Variants in CTNNA3 observed in about 807,000 individuals in gnomAD.
CTNNA3 encodes catenin alpha-3.
In CTNNA3, 76 loss-of-function variants were observed where a neutral mutation model predicts 95.7. That is an observed-to-expected ratio of 0.79 (90% CI 0.66 to 0.96). The LOEUF (loss-of-function observed/expected upper bound fraction) is 0.96. CTNNA3 is among the 40% of genes least tolerant of loss of function. The probability of loss-of-function intolerance (pLI) is 0.00; values close to 1 mark genes in which losing one functional copy is unlikely to be tolerated. For synonymous variants in CTNNA3, 431 were observed against 374.4 expected, an observed-to-expected ratio of 1.15 and a Z score of -1.74; for missense variants, 1,191 against 1,089.8, an observed-to-expected ratio of 1.09 and a Z score of -1.31.
chr10:67,760,430 A>G (rs1841456260), intron 1 of CTNNA3, among the ~76,000 whole-genome samples: 1 of 152,160 alleles, frequency 6.6e-6, no homozygotes, highest in Non-Finnish European at 1.5e-5. Context: ...GTCTGCCAAT[A>G]CACTCATGTG....
At chr10:67,646,858 T>TA (rs1162543149) in intron 2 of CTNNA3, among the ~76,000 whole-genome samples, 2 of 152,058 alleles carry the variant, frequency 1.3e-5, no homozygotes, top group East Asian at 1.9e-4. Flanking sequence ...ACTTACATAA[T>TA]AAAAAAAGTC....
chr10:67,170,803 G>C (rs1445557606), intron 7 of CTNNA3, among the ~76,000 whole-genome samples: 2 of 152,106 alleles, frequency 1.3e-5, no homozygotes, highest in African/African-American at 4.8e-5. Context: ...CTATGATGGA[G>C]AAGGCAATTC....
chr10:65,957,660 G>T (rs530706460), intron 17 of CTNNA3, among the ~76,000 whole-genome samples: 4 of 152,210 alleles, frequency 2.6e-5, no homozygotes, highest in African/African-American at 7.2e-5. Flanking sequence ...GCTTAGTTTG[G>T]CTGGATATCA....
At chr10:67,684,263 G>T (rs953236298) in intron 1 of CTNNA3, among the ~76,000 whole-genome samples, 2 of 152,094 alleles carry the variant, frequency 1.3e-5, no homozygotes, top group African/African-American at 2.4e-5. Context: ...CTGCTGATTG[G>T]TGCATTTACA....
At chr10:66,675,664 T>C (rs1846826823) in intron 9 of CTNNA3, among the ~76,000 whole-genome samples, 3 of 152,230 alleles carry the variant, frequency 2.0e-5, no homozygotes, top group African/African-American at 4.8e-5. Context: ...TTACTTTTAG[T>C]TCATCTCAAA....
At chr10:66,118,666 C>T (rs552324456) in intron 13 of CTNNA3, among the ~76,000 whole-genome samples, 1 of 152,132 alleles carries the variant, frequency 6.6e-6, no homozygotes, top group Non-Finnish European at 1.5e-5. Context: ...AGATCTCATC[C>T]ACTATGCAGA....
intron 9 of CTNNA3, among the ~76,000 whole-genome samples, chr10:66,653,583 C>G (rs944254052): frequency 7.9e-5 from 12 of 151,960 alleles, no homozygotes; most frequent in African/African-American, 2.7e-4. Flanking sequence ...TGTCACTTTT[C>G]ATAGCAATAG....
chr10:66,862,783 T>C (rs907252220), intron 7 of CTNNA3, among the ~76,000 whole-genome samples: 4 of 152,162 alleles, frequency 2.6e-5, no homozygotes, highest in Non-Finnish European at 5.9e-5. Flanking sequence ...TTCTGAGCAT[T>C]TCTGTGAAGG....
intron 9 of CTNNA3, among the ~76,000 whole-genome samples, chr10:66,763,341 C>CACAGAGAGAGAGAGAG (rs371974709): frequency 0.041 from 5,651 of 139,008 alleles, 167 homozygotes; most frequent in Non-Finnish European, 0.06. Context: ...CACACACACA[C>CACAGAGAGAGAGAGAG]AGAGAGAGAG....
chr10:66,506,269 T>C (rs1245801640), intron 11 of CTNNA3, among the ~76,000 whole-genome samples: 3 of 152,126 alleles, frequency 2.0e-5, no homozygotes, highest in Admixed American at 6.6e-5. Flanking sequence ...TTCAACGTAA[T>C]ATTTGGAGGG....
intron 7 of CTNNA3, among the ~76,000 whole-genome samples, chr10:66,779,794 T>G (rs1840458189): frequency 6.6e-6 from 1 of 152,242 alleles, no homozygotes; most frequent in African/African-American, 2.4e-5. Context: ...TTTATAACAC[T>G]TGGTTTAATA....
In CTNNA3 at chr10:66,745,587, CTT is replaced by C. The variant is rs368932444; in HGVS notation, c.1281+20675_1281+20676del. ...TCTAATGGTATATAATGCAGACAGC[CTT>C]TTTTTTTTTTTTTTTTTTGAGACAG... On this transcript the variant is annotated intron_variant, in intron 9 of 17. Transcript: ENST00000433211. Among the ~76,000 whole-genome samples the C allele has an allele frequency of 1.4e-3, 150 of 109,616 alleles. 1 individual carries two copies. Among genetic ancestry groups the C allele is most frequent in the Middle Eastern group, 0.013 (2 of 158 alleles). 71.9% of individuals were successfully genotyped at this position (109,616 alleles called of 152,430 possible).
At chr10:66,903,111 C>T (rs543912043) in intron 7 of CTNNA3, among the ~76,000 whole-genome samples, 6 of 152,060 alleles carry the variant, frequency 3.9e-5, no homozygotes, top group South Asian at 4.2e-4. Flanking sequence ...TGAAGAACAC[C>T]GATGCAAAAA....
At chr10:67,387,346 C>A (rs1844218477) in intron 5 of CTNNA3, among the ~76,000 whole-genome samples, 1 of 152,112 alleles carries the variant, frequency 6.6e-6, no homozygotes, top group South Asian at 2.1e-4. Context: ...CTGCGCTTTT[C>A]CTAGGGGCTT....
intron 12 of CTNNA3, among the ~76,000 whole-genome samples, chr10:66,310,353 G>A (rs538432269): frequency 5.3e-4 from 80 of 152,156 alleles, no homozygotes; most frequent in African/African-American, 1.6e-3. Flanking sequence ...TGATTTATCC[G>A]ATATCATATG....
intron 5 of CTNNA3, among the ~76,000 whole-genome samples, chr10:67,253,196 A>T (rs76038647): frequency 0.032 from 4,803 of 152,290 alleles, 245 homozygotes; most frequent in African/African-American, 0.11. Flanking sequence ...GATAACCGAG[A>T]GGGCTACTAA....
intron 15 of CTNNA3, among the ~76,000 whole-genome samples, chr10:66,028,691 A>T (rs978909675): frequency 6.6e-6 from 1 of 152,106 alleles, no homozygotes; most frequent in African/African-American, 2.4e-5. Context: ...ACATGTATAC[A>T]TATGTAACTA....
intron 13 of CTNNA3, among the ~76,000 whole-genome samples, chr10:66,237,831 C>T (rs945531116): frequency 6.6e-6 from 1 of 152,130 alleles, no homozygotes; most frequent in East Asian, 1.9e-4. Context: ...CATATCAATG[C>T]TTTGATACTT....
chr10:67,751,080 C>G (rs1044034887), intron 1 of CTNNA3: 1 of 1,442,694 alleles, frequency 6.9e-7, no homozygotes, highest in African/African-American at 1.4e-5. Flanking sequence ...GTCTGTGACA[C>G]CAGCACGCAT....
Sources: allele counts gnomAD v4.1 joint callset (sites outside exome capture counted in the v4.1 genomes callset), GRCh38; gene constraint gnomAD v4.1.1; transcripts MANE v1.5; gene names NCBI Gene and HGNC (gene_info 2026-07-23, HGNC 2026-07-21).